The following FBN3 variants were observed in gnomAD, a reference collection of about 807,000 sequenced individuals.
FBN3 encodes fibrillin-3.
In FBN3, 234 loss-of-function variants were observed where a neutral mutation model predicts 330.1. The observed-to-expected ratio is 0.71, with a 90% CI of 0.64 to 0.79. The LOEUF is 0.79. Ranked by LOEUF, FBN3 falls within the 30% of genes least tolerant of loss-of-function variation. FBN3 has a pLI of 0.00. For synonymous variants in FBN3, 1,458 were observed against 1,517.3 expected (o/e 0.96, Z 0.91); for missense variants, 3,606 against 3,886.9 (o/e 0.93, Z 1.92).
Position 8,096,855 on chromosome 19 carries a change from C to CA in FBN3, c.5413+25dup. ...CATGGGTGACAGAGCCCAGCTCCCT[C>CA]ACCTCCTCCCAGGGACCCTGCTCAC... On this transcript the variant is annotated intron_variant, in intron 43 of 63. Coordinates refer to ENST00000600128, the MANE Select transcript of FBN3 (RefSeq NM_032447.5). This position sits in a 1 kb window ranked among gnomAD's most constrained non-coding sequence, Gnocchi z 4.6. 6.2e-7 allele frequency: 1 copy of CA among 1,609,676 alleles called. No homozygotes were observed. The highest frequency in any genetic ancestry group is 8.5e-7 in the Non-Finnish European group (1 of 1,179,176).
intron 41 of FBN3, among the ~76,000 whole-genome samples, chr19:8,099,482 T>G (rs983386993): frequency 6.6e-6 from 1 of 150,858 alleles, no homozygotes; most frequent in Non-Finnish European, 1.5e-5. Flanking sequence ...GGGTTTCACC[T>G]TGTTAGCCAG....
chr19:8,126,963 G>A lies in FBN3; in HGVS notation c.2297-131C>T, dbSNP rs2083005275. On this transcript the variant is annotated intron_variant, in intron 18 of 63. Coordinates refer to ENST00000600128, the MANE Select transcript of FBN3 (RefSeq NM_032447.5). ...CACCCAGATGCACAAGCATGCAGAG[G>A]GCACTGGAATCAAATGTGCATGCAA... is the stretch of plus-strand genomic sequence containing the variant. The A allele has an allele frequency of 6.0e-6, 6 of 1,004,686 alleles. No individual in the cohort carries two copies. In the South Asian group the frequency reaches 9.8e-5, roughly 16 times the overall value. The allele number at this position is 1,004,686 out of a possible 1,614,324, so 62.2% of individuals were successfully genotyped here. A position where few individuals can be genotyped will look rare whatever the true frequency, so the allele number is the denominator to read the frequency against.
In FBN3 at chr19:8,129,385, T is replaced by C. The variant is rs777143813; in HGVS notation, c.2045-20A>G. The C allele has an allele frequency of 1.5e-5, 24 of 1,612,600 alleles. No individual in the cohort carries two copies. Among genetic ancestry groups the C allele is most frequent in the Non-Finnish European group, 1.8e-5 (21 of 1,179,334 alleles). ...TGATGTCTGCGGCAGGAGGAGGGTG[T>C]GTCAGCAGCAGCAGAAGGAGGGTGT... On this transcript the variant is annotated intron_variant, in intron 16 of 63. Transcript: ENST00000600128. The surrounding 1 kb of genome is among the most constrained non-coding windows in gnomAD (Gnocchi z 4.5).
At chr19:8,078,269 T>C (rs745638631) in intron 59 of FBN3, among the ~76,000 whole-genome samples, 3 of 152,206 alleles carry the variant, frequency 2.0e-5, no homozygotes, top group Non-Finnish European at 2.9e-5. Context: ...ATAAAGTTTA[T>C]TGGGACACAG....
chr19:8,100,346 G>A (rs368665859), intron 41 of FBN3, among the ~76,000 whole-genome samples: 3 of 151,380 alleles, frequency 2.0e-5, no homozygotes, highest in Non-Finnish European at 2.9e-5. Context: ...ATACTTTCTC[G>A]GAGACAAAAA....
In FBN3 at chr19:8,121,890, C is replaced by G. The variant is rs2082861421; in HGVS notation, c.3083-504G>C. ...TCAGCCTCCCGAGTAGCTGGGATTA[C>G]AGGTGTGTGCCACCATGCCCGGCTA... On this transcript the variant is annotated intron_variant, in intron 24 of 63. Transcript: ENST00000600128. This position sits in a 1 kb window ranked among gnomAD's most constrained non-coding sequence, Gnocchi z 4.5. Among the ~76,000 whole-genome samples the G allele has an allele frequency of 6.6e-6, 1 of 152,086 alleles. No individual in the cohort carries two copies. Among genetic ancestry groups the G allele is most frequent in the South Asian group, 2.1e-4 (1 of 4,824 alleles).
At chr19:8,134,318 C>T (rs1281835911) in intron 13 of FBN3, among the ~76,000 whole-genome samples, 2 of 152,156 alleles carry the variant, frequency 1.3e-5, no homozygotes, top group African/African-American at 4.8e-5. Context: ...TTCACAGAAG[C>T]ATTATGCCTA....
chr19:8,106,026 T>C, intron 38 of FBN3, 82 bp downstream of exon 38: 3 of 1,556,516 alleles, frequency 1.9e-6, no homozygotes, highest in East Asian at 4.5e-5. Context: ...TTCCCTCCTC[T>C]ACCCTTGTGA....
In FBN3 at chr19:8,081,162, G is replaced by T. The variant is rs199919938; in HGVS notation, c.7337-43C>A. The T allele has an allele frequency of 5.7e-4, 891 of 1,559,750 alleles. 9 individuals are homozygous for T. In the African/African-American group the frequency reaches 0.011, roughly 19 times the overall value. On this transcript the variant is annotated intron_variant, in intron 58 of 63. Coordinates refer to ENST00000600128, the MANE Select transcript of FBN3 (RefSeq NM_032447.5). ...CAGCAGGCTCAGGGCAGGGCCCAGT[G>T]GGGGATTAGGGGCTTCCCAGGGGCT...
At chr19:8,117,442 C>G (rs375365468) in intron 27 of FBN3, 22 bp downstream of exon 27, 20 of 1,559,518 alleles carry the variant, frequency 1.3e-5, no homozygotes, top group Non-Finnish European at 1.7e-5. Flanking sequence ...GCCCAGGGGC[C>G]AGCAGGTGGG....
chr19:8,066,676 C>T (rs538193082), intron 63 of FBN3, among the ~76,000 whole-genome samples: 16 of 151,798 alleles, frequency 1.1e-4, no homozygotes, highest in Admixed American at 9.2e-4. Context: ...GTCAGGAGTT[C>T]GAGACCATCC....
chr19:8,086,150 T>TGGGGGGGGACAG, intron 55 of FBN3, 50 bp downstream of exon 55: 1 of 1,148,500 alleles, frequency 8.7e-7, no homozygotes, highest in Admixed American at 2.7e-5. Context: ...AGGCAGTGGG[T>TGGGGGGGGACAG]GCCACATGGT....
chr19:8,076,247 C>CGCGT (rs1555724953), intron 59 of FBN3, among the ~76,000 whole-genome samples: 1 of 147,646 alleles, frequency 6.8e-6, no homozygotes, highest in Admixed American at 6.8e-5. Context: ...TGTCCGTGTG[C>CGCGT]GTGTGTGTGT....
intron 6 of FBN3, among the ~76,000 whole-genome samples, chr19:8,143,727 G>A (rs147804514): frequency 0.01 from 1,515 of 151,300 alleles, 28 homozygotes; most frequent in African/African-American, 0.035. Flanking sequence ...TCCTGGCCTC[G>A]AGTGATCTGC....
chr19:8,112,510 CGTGGTGGCAGG>C (rs2082612988), intron 30 of FBN3, among the ~76,000 whole-genome samples: 2 of 151,902 alleles, frequency 1.3e-5, no homozygotes, highest in African/African-American at 2.4e-5. Flanking sequence ...ATTAGCCAGG[CGTGGTGGCAGG>C]TGCCTGTAGT....
At position 8,111,737 on chromosome 19, in the gene FBN3, C is replaced by T; in HGVS notation, c.3995G>A (p.Cys1332Tyr). 1.2e-5 allele frequency: 20 copies of T among 1,612,558 alleles called. No individual in the cohort carries two copies. The highest frequency in any genetic ancestry group is 1.7e-5 in the Non-Finnish European group (20 of 1,178,964). ...ATTGAGACAGTCACCTCTTGGGCTGCACCGGTGCTCCTGGGAGACGCATTC... is the reference window on the plus strand; with the variant it reads ...ATTGAGACAGTCACCTCTTGGGCTGTACCGGTGCTCCTGGGAGACGCATTC... Reference protein sequence around the residue: ...LDECVSQEHRCSPRGDCLNVP... With the variant: ...LDECVSQEHRYSPRGDCLNVP... Residue 1332 changes from cysteine to tyrosine, a missense_variant, in exon 32 of 64, where the codon TGC (cysteine) becomes TAC (tyrosine). Coordinates refer to ENST00000600128, the MANE Select transcript of FBN3 (RefSeq NM_032447.5).
At chr19:8,105,408 T>C (rs1036381580) in intron 38 of FBN3, among the ~76,000 whole-genome samples, 6 of 151,656 alleles carry the variant, frequency 4.0e-5, no homozygotes, top group African/African-American at 1.5e-4. Flanking sequence ...CAGGCGTGAG[T>C]CACCATGCCC....
At chr19:8,080,879 T>C in intron 59 of FBN3, 124 bp downstream of exon 59, 1 of 679,352 alleles carries the variant, frequency 1.5e-6, no homozygotes, top group South Asian at 1.7e-5. Context: ...GCTTCAGCTT[T>C]CCAAAGTGCT....
chr19:8,119,349 C>T (rs922895355), intron 25 of FBN3, among the ~76,000 whole-genome samples: 1 of 152,306 alleles, frequency 6.6e-6, no homozygotes, highest in Admixed American at 6.5e-5. Context: ...CTCAGTCCCG[C>T]CAGGACTCAG....
Sources: allele counts gnomAD v4.1 joint callset (sites outside exome capture counted in the v4.1 genomes callset), GRCh38; gene constraint gnomAD v4.1.1; non-coding constraint Gnocchi (gnomAD v3.1); transcripts MANE v1.5; gene names NCBI Gene and HGNC (gene_info 2026-07-23, HGNC 2026-07-21).